Variants in PDE8B observed in about 807,000 individuals in gnomAD.
PDE8B encodes phosphodiesterase 8B.
Under a neutral mutation model 101.3 loss-of-function variants are expected in PDE8B, and 26 were observed. The ratio of observed to expected loss-of-function variants is 0.26; its 90% confidence interval spans 0.19 to 0.36. PDE8B has a LOEUF of 0.36. Ranked by LOEUF, PDE8B falls within the 10% of genes least tolerant of loss-of-function variation. PDE8B has a pLI of 1.00. For synonymous variants in PDE8B, 424 were observed against 429.3 expected (o/e 0.99, Z 0.15); for missense variants, 810 against 1,163.1 (o/e 0.70, Z 4.42).
intron 1 of PDE8B, among the ~76,000 whole-genome samples, chr5:77,309,447 A>G (rs562462835): frequency 6.6e-5 from 10 of 151,452 alleles, no homozygotes; most frequent in Admixed American, 1.3e-4. Flanking sequence ...TCATTGCTTT[A>G]TTTTCTGCCA....
At chr5:77,129,132 A>C in the PDE8B span, among the ~76,000 whole-genome samples, 1 of 152,224 alleles carries the variant, frequency 6.6e-6, no homozygotes, top group East Asian at 1.9e-4. Context: ...ACGTTTTCCC[A>C]ACTAGTTTAG....
At chr5:77,400,360 TGAA>T in intron 11 of PDE8B, 70 bp downstream of exon 11, 1 of 1,001,946 alleles carries the variant, frequency 1.0e-6, no homozygotes, top group Non-Finnish European at 1.6e-6. Context: ...TACATTTCTC[TGAA>T]GAAGTCTAAG....
At chr5:77,159,238 T>G in the PDE8B span, among the ~76,000 whole-genome samples, 1 of 152,190 alleles carries the variant, frequency 6.6e-6, no homozygotes, top group Non-Finnish European at 1.5e-5. Context: ...TTAATTGGAT[T>G]GAAGGATACA....
the PDE8B span, among the ~76,000 whole-genome samples, chr5:77,193,911 G>A: frequency 1.2e-4 from 18 of 152,210 alleles, no homozygotes; most frequent in South Asian, 3.5e-3. Flanking sequence ...ATTGTAAGTA[G>A]TATTTTGTAT....
At chr5:77,091,521 A>C in the PDE8B span, among the ~76,000 whole-genome samples, 4 of 152,134 alleles carry the variant, frequency 2.6e-5, no homozygotes, top group Non-Finnish European at 5.9e-5. Context: ...GGGTCCCTAT[A>C]AGCCCAGCTA....
At chr5:77,397,465 T>G (rs1472207717) in intron 10 of PDE8B, among the ~76,000 whole-genome samples, 2 of 152,210 alleles carry the variant, frequency 1.3e-5, no homozygotes, top group South Asian at 4.1e-4. Flanking sequence ...ATAAGATTCT[T>G]CATTTGCCAG....
chr5:77,112,645 A>G, the PDE8B span: 3 of 152,224 alleles, frequency 2.0e-5, no homozygotes, highest in African/African-American at 4.8e-5. Flanking sequence ...TCTATTCAAC[A>G]TAGTCTTGGA....
intron 5 of PDE8B, among the ~76,000 whole-genome samples, chr5:77,333,870 A>G (rs1162373897): frequency 5.3e-5 from 8 of 152,324 alleles, no homozygotes; most frequent in African/African-American, 1.9e-4. Context: ...GCCTCAGTGA[A>G]TAAAGCTTTG....
intron 1 of PDE8B, among the ~76,000 whole-genome samples, chr5:77,227,478 G>T (rs931876227): frequency 1.3e-5 from 2 of 152,108 alleles, no homozygotes; most frequent in African/African-American, 4.8e-5. Context: ...GGCAGGAGAA[G>T]AAAGACTGGC....
chr5:77,410,042 C>T (rs1794230910), intron 14 of PDE8B, among the ~76,000 whole-genome samples: 1 of 152,266 alleles, frequency 6.6e-6, no homozygotes, highest in Non-Finnish European at 1.5e-5. Flanking sequence ...TGGGAGCAAG[C>T]CATGTTCCCT....
the PDE8B span, among the ~76,000 whole-genome samples, chr5:77,160,250 A>G: frequency 4.6e-5 from 7 of 152,228 alleles, no homozygotes; most frequent in African/African-American, 7.2e-5. Context: ...TTAAAAAAAT[A>G]ATCAATTTTA....
chr5:77,354,658 G>A (rs1781757871), intron 10 of PDE8B, among the ~76,000 whole-genome samples: 1 of 152,148 alleles, frequency 6.6e-6, no homozygotes, highest in Admixed American at 6.5e-5. Flanking sequence ...GAGGACACAG[G>A]TCCACTGGGG....
At chr5:77,098,294 A>T in the PDE8B span, among the ~76,000 whole-genome samples, 11,036 of 98,746 alleles carry the variant, frequency 0.11, 1,127 homozygotes, top group African/African-American at 0.32. Flanking sequence ...TTTTTTTTTT[A>T]AAAAAAAAAA....
chr5:77,231,535 G>A (rs1453600544), intron 1 of PDE8B, among the ~76,000 whole-genome samples: 1 of 152,162 alleles, frequency 6.6e-6, no homozygotes, highest in Non-Finnish European at 1.5e-5. Flanking sequence ...AAGTAGGAAC[G>A]ATGATAATGG....
intron 10 of PDE8B, among the ~76,000 whole-genome samples, chr5:77,363,882 A>T (rs1304042987): frequency 6.6e-6 from 1 of 152,128 alleles, no homozygotes; most frequent in Non-Finnish European, 1.5e-5. Flanking sequence ...TCAGCTGCCC[A>T]CCTGGCTTGG....
At chr5:77,177,693 GAA>G in the PDE8B span, among the ~76,000 whole-genome samples, 9 of 152,332 alleles carry the variant, frequency 5.9e-5, no homozygotes, top group African/African-American at 2.2e-4. Flanking sequence ...ACCAGCACTG[GAA>G]TACCACAACA....
intron 1 of PDE8B, among the ~76,000 whole-genome samples, chr5:77,240,579 A>G (rs1172108497): frequency 2.0e-5 from 3 of 152,252 alleles, no homozygotes; most frequent in African/African-American, 4.8e-5. Context: ...GTCACCAGTC[A>G]GATAATCCTA....
Position 77,264,521 on chromosome 5 carries a change from AATATCCTGAGCTAGTCAGGAT to A in PDE8B, c.340-47470_340-47450del. Among the ~76,000 whole-genome samples the A allele has an allele frequency of 3.3e-5, 5 of 152,286 alleles. 1 individual carries two copies. The East Asian group carries it at 9.7e-4, about 29-fold the overall frequency. On this transcript the variant is annotated intron_variant, in intron 1 of 21. Coordinates refer to ENST00000264917, the MANE Select transcript of PDE8B (RefSeq NM_003719.5). ...CAGGCATGGCATGAACCAGTAATCA[AATATCCTGAGCTAGTCAGGAT>A]ATTTGATTCTTCTAGAACTTTTGGG...
chr5:77,220,343 C>T lies in PDE8B; in HGVS notation c.339+9079C>T, dbSNP rs79514644. Among the ~76,000 whole-genome samples, 934 of 152,270 alleles carry T rather than the reference C, an allele frequency of 6.1e-3. 2 individuals are homozygous for T. The highest frequency in any genetic ancestry group is 0.01 in the Non-Finnish European group (702 of 68,022). ...AGTGTGATCCACTTAGCCTGATCTCCCTACGGGCAGTGGTAGAGGGGAGTT... is the reference window on the plus strand; with the variant it reads ...AGTGTGATCCACTTAGCCTGATCTCTCTACGGGCAGTGGTAGAGGGGAGTT... On this transcript the variant is annotated intron_variant, in intron 1 of 21. Coordinates refer to ENST00000264917, the MANE Select transcript of PDE8B (RefSeq NM_003719.5).
Sources: allele counts gnomAD v4.1 joint callset (sites outside exome capture counted in the v4.1 genomes callset), GRCh38; gene constraint gnomAD v4.1.1; transcripts MANE v1.5; gene names NCBI Gene and HGNC (gene_info 2026-07-23, HGNC 2026-07-21).